SPAG16: variants seen among roughly 807,000 people sequenced by gnomAD.
The protein encoded by SPAG16 is sperm-associated antigen 16 protein.
SPAG16 carries 86 observed loss-of-function variants against 80.4 expected under a neutral mutation model. That is an observed-to-expected ratio of 1.07 (90% CI 0.90 to 1.28). SPAG16 has a LOEUF of 1.28. Among genes scored for constraint, SPAG16 ranks in the 50% most tolerant of loss-of-function variants. The pLI is 0.00. For missense variants in SPAG16, 870 were observed against 765.3 expected (o/e 1.14, Z -1.61); for synonymous variants, 294 against 265.9 (o/e 1.11, Z -1.03).
At chr2:213,972,241 A>G (rs2045104897) in intron 12 of SPAG16, among the ~76,000 whole-genome samples, 1 of 150,944 alleles carries the variant, frequency 6.6e-6, no homozygotes, top group Non-Finnish European at 1.5e-5. Flanking sequence ...CATCAGAGAA[A>G]AAGAACCCAT....
At chr2:213,443,794 T>C (rs1437752042) in intron 9 of SPAG16, among the ~76,000 whole-genome samples, 1 of 152,168 alleles carries the variant, frequency 6.6e-6, no homozygotes, top group Non-Finnish European at 1.5e-5. Flanking sequence ...AGCATGAAAG[T>C]TGTGGTGCTT....
chr2:213,519,418 C>T (rs2125842291), intron 10 of SPAG16, among the ~76,000 whole-genome samples: 1 of 152,284 alleles, frequency 6.6e-6, no homozygotes, highest in South Asian at 2.1e-4. Flanking sequence ...CTTTCCTTTG[C>T]TGTTCTCATG....
At chr2:214,371,299 G>A (rs1363152773) in intron 15 of SPAG16, among the ~76,000 whole-genome samples, 6 of 152,076 alleles carry the variant, frequency 3.9e-5, no homozygotes, top group African/African-American at 1.2e-4. Flanking sequence ...TTGGGAGGCC[G>A]AGGCGGGCAG....
Position 213,841,197 on chromosome 2 carries a change from C to T in SPAG16, c.1071-21288C>T, listed in dbSNP as rs140611702. Among the ~76,000 whole-genome samples the T allele has an allele frequency of 6.0e-3, 906 of 152,056 alleles. 1 individual carries two copies. Among genetic ancestry groups the T allele is most frequent in the Non-Finnish European group, 8.9e-3 (604 of 67,940 alleles). ...AGTATGTTCATTTGTATGTCACAAC[C>T]CACCCCTAAAAAAATAGTCATGAGC... On this transcript the variant is annotated intron_variant, in intron 10 of 15. Transcript: ENST00000331683.
chr2:214,249,398 G>A (rs1464609011), intron 15 of SPAG16, among the ~76,000 whole-genome samples: 1 of 151,952 alleles, frequency 6.6e-6, no homozygotes, highest in Non-Finnish European at 1.5e-5. Context: ...ATGTACACTA[G>A]AAGAAGGAGA....
chr2:214,095,308 C>A (rs564099781), intron 13 of SPAG16, among the ~76,000 whole-genome samples: 1 of 151,798 alleles, frequency 6.6e-6, no homozygotes, highest in East Asian at 1.9e-4. Context: ...CACACAGAAA[C>A]CCCCCCAGAA....
intron 10 of SPAG16, among the ~76,000 whole-genome samples, chr2:213,802,939 C>G (rs1430475028): frequency 6.6e-6 from 1 of 151,706 alleles, no homozygotes; most frequent in Non-Finnish European, 1.5e-5. Context: ...AAAAATTATT[C>G]TGGGCAGCTA....
rs112449223 is a variant in SPAG16 at position 214,288,078 on chromosome 2, A to G, written c.1721-122062A>G. ...CAACCTTGGTTTACCGCCCCCCCCA[A>G]TCCCACCCTTCCAAGCCTCTGGCAT... is the stretch of plus-strand genomic sequence containing the variant. On this transcript the variant is annotated intron_variant, in intron 15 of 15. Coordinates refer to ENST00000331683, the MANE Select transcript of SPAG16 (RefSeq NM_024532.5). Among the ~76,000 whole-genome samples, 538 of 150,570 alleles carry G rather than the reference A, an allele frequency of 3.6e-3. 4 individuals are homozygous for G. Among genetic ancestry groups the G allele is most frequent in the African/African-American group, 0.012 (491 of 41,092 alleles).
chr2:213,955,375 C>T (rs1332567359), intron 12 of SPAG16, among the ~76,000 whole-genome samples: 1 of 152,104 alleles, frequency 6.6e-6, no homozygotes, highest in Non-Finnish European at 1.5e-5. Flanking sequence ...GAAAGTTCAA[C>T]TGTATTCTTT....
chr2:214,389,747 C>A (rs551346540), intron 15 of SPAG16, among the ~76,000 whole-genome samples: 2 of 152,152 alleles, frequency 1.3e-5, no homozygotes, highest in African/African-American at 2.4e-5. Flanking sequence ...TTTTTGAATC[C>A]ATTTTTACTA....
intron 15 of SPAG16, among the ~76,000 whole-genome samples, chr2:214,405,278 A>G (rs1386699328): frequency 6.6e-6 from 1 of 152,070 alleles, no homozygotes; most frequent in Non-Finnish European, 1.5e-5. Context: ...GCATGCCACC[A>G]TACCTGGCTA....
chr2:213,974,948 T>TAAAAAAA (rs569021815), intron 12 of SPAG16, among the ~76,000 whole-genome samples: 1 of 116,358 alleles, frequency 8.6e-6, no homozygotes, highest in African/African-American at 3.2e-5. Flanking sequence ...AAGATGTCGT[T>TAAAAAAA]AAAAAAAAAA....
At chr2:213,707,311 T>G (rs1354690704) in intron 10 of SPAG16, among the ~76,000 whole-genome samples, 1 of 152,204 alleles carries the variant, frequency 6.6e-6, no homozygotes, top group Non-Finnish European at 1.5e-5. Flanking sequence ...AAAAACGTAT[T>G]TCTTCAGTTC....
intron 15 of SPAG16, among the ~76,000 whole-genome samples, chr2:214,331,370 C>CA (rs1359502384): frequency 1.3e-5 from 2 of 152,138 alleles, no homozygotes; most frequent in Non-Finnish European, 1.5e-5. Context: ...GGGCCGTTGG[C>CA]ATGATGAGCC....
At position 214,274,872 on chromosome 2, in the gene SPAG16, T is replaced by C. The variant is rs544404670; in HGVS notation, c.1720+125606T>C. Among the ~76,000 whole-genome samples, 4 of 152,318 alleles carry C rather than the reference T, an allele frequency of 2.6e-5. No homozygotes were observed. In the East Asian group the frequency reaches 7.7e-4, roughly 29 times the overall value. ...ATTGGAATAGTTTCAGAAGCAATGG[T>C]ACCAGCTCCTCTTTGTACCTCTAGT... On this transcript the variant is annotated intron_variant, in intron 15 of 15. Transcript: ENST00000331683.
chr2:214,217,337 A>G (rs986760685), intron 15 of SPAG16, among the ~76,000 whole-genome samples: 2 of 152,184 alleles, frequency 1.3e-5, no homozygotes, highest in African/African-American at 4.8e-5. Flanking sequence ...TCCTGTTTGC[A>G]TTTTAATTGA....
intron 10 of SPAG16, among the ~76,000 whole-genome samples, chr2:213,746,477 A>G (rs1017738913): frequency 1.3e-5 from 2 of 152,200 alleles, no homozygotes; most frequent in Non-Finnish European, 2.9e-5. Context: ...GGTGATGCTT[A>G]TGTAAATAAA....
intron 15 of SPAG16, among the ~76,000 whole-genome samples, chr2:214,267,208 T>C (rs1280723511): frequency 6.6e-6 from 1 of 151,562 alleles, no homozygotes; most frequent in Non-Finnish European, 1.5e-5. Flanking sequence ...GATAAAAAGA[T>C]AAAAGCTGGA....
intron 15 of SPAG16, among the ~76,000 whole-genome samples, chr2:214,161,522 G>A (rs912209231): frequency 6.6e-6 from 1 of 152,098 alleles, no homozygotes; most frequent in Non-Finnish European, 1.5e-5. Context: ...GTATGTCATT[G>A]TGGTTTTGAT....
Sources: gnomAD v4.1 joint callset for allele counts (sites outside exome capture counted in the v4.1 genomes callset) on GRCh38, gnomAD v4.1.1 for gene constraint, MANE v1.5 for transcripts, NCBI Gene and HGNC (gene_info 2026-07-23, HGNC 2026-07-21) for gene names.